Variants in CDK17 observed in about 807,000 individuals in gnomAD.
CDK17 encodes cyclin dependent kinase 17.
Under a neutral mutation model 77.6 loss-of-function variants are expected in CDK17, and 24 were observed. The observed-to-expected ratio is 0.31, with a 90% CI of 0.22 to 0.44. CDK17 has a LOEUF of 0.44. CDK17 is among the 20% of genes least tolerant of loss of function. CDK17 has a pLI of 1.00. For synonymous variants in CDK17, 203 were observed against 210.4 expected, an observed-to-expected ratio of 0.96 and a Z score of 0.30; for missense variants, 429 against 622.5, an observed-to-expected ratio of 0.69 and a Z score of 3.31.
chr12:96,378,730 A>G (rs1953828937), intron 1 of CDK17, among the ~76,000 whole-genome samples: 1 of 152,276 alleles, frequency 6.6e-6, no homozygotes, highest in African/African-American at 2.4e-5. Context: ...ATAGCCACAA[A>G]GGATTGAGTG....
chr12:96,298,147 C>A (rs986315180), intron 7 of CDK17, among the ~76,000 whole-genome samples: 2 of 151,922 alleles, frequency 1.3e-5, no homozygotes, highest in Non-Finnish European at 2.9e-5. Flanking sequence ...GTTAGCCGGG[C>A]GTGATGGCGG....
chr12:96,306,749 T>TA (rs1010373173), intron 5 of CDK17, among the ~76,000 whole-genome samples: 15 of 152,078 alleles, frequency 9.9e-5, no homozygotes, highest in African/African-American at 1.7e-4. Flanking sequence ...CTAATACATA[T>TA]AAAAAAATGA....
At chr12:96,336,632 C>A (rs1206143835) in intron 1 of CDK17, among the ~76,000 whole-genome samples, 2 of 152,176 alleles carry the variant, frequency 1.3e-5, no homozygotes, top group Non-Finnish European at 2.9e-5. Context: ...TGAAAAGTTT[C>A]TATTCCTTAG....
chr12:96,376,663 T>A (rs903425041), intron 1 of CDK17, among the ~76,000 whole-genome samples: 15 of 152,212 alleles, frequency 9.9e-5, no homozygotes, highest in Non-Finnish European at 5.9e-5. Flanking sequence ...TATTAGGCAG[T>A]ATCCACTGAC....
At chr12:96,375,260 C>T (rs984329003) in intron 1 of CDK17, among the ~76,000 whole-genome samples, 2 of 152,176 alleles carry the variant, frequency 1.3e-5, no homozygotes, top group East Asian at 3.8e-4. Context: ...ACCAGTCCTT[C>T]ATTATCCTAA....
intron 5 of CDK17, chr12:96,303,473 T>C (rs191828770): frequency 3.3e-5 from 5 of 152,248 alleles, no homozygotes; most frequent in Admixed American, 3.3e-4. Context: ...TAACTGTGCC[T>C]TGGATAAACC....
chr12:96,282,018 C>A (rs972843309), intron 15 of CDK17: 1 of 152,338 alleles, frequency 6.6e-6, no homozygotes, highest in African/African-American at 2.4e-5. Flanking sequence ...TCTGCTATTA[C>A]AGTGACTTTG....
chr12:96,302,830 G>A (rs1952526428), intron 5 of CDK17, among the ~76,000 whole-genome samples: 1 of 152,070 alleles, frequency 6.6e-6, no homozygotes. Context: ...TATGTAAGAG[G>A]TTAAGTTTAA....
At chr12:96,345,539 T>C (rs1299443247) in intron 1 of CDK17, among the ~76,000 whole-genome samples, 1 of 152,210 alleles carries the variant, frequency 6.6e-6, no homozygotes, top group East Asian at 1.9e-4. Context: ...TGAGATGTTA[T>C]CTCATTGTGA....
chr12:96,297,217 G>A (rs1952419900), intron 9 of CDK17, 53 bp downstream of exon 9: 3 of 1,119,340 alleles, frequency 2.7e-6, no homozygotes, highest in South Asian at 2.6e-5. Context: ...TTATATAATG[G>A]TTCACCTATG....
intron 1 of CDK17, among the ~76,000 whole-genome samples, chr12:96,390,537 G>A (rs1318948602): frequency 6.8e-6 from 1 of 146,618 alleles, no homozygotes; most frequent in Non-Finnish European, 1.5e-5. Context: ...GGTGAAACAT[G>A]GTCTCCACTA....
chr12:96,341,983 T>C (rs745364627), intron 1 of CDK17, among the ~76,000 whole-genome samples: 9 of 152,226 alleles, frequency 5.9e-5, no homozygotes, highest in Non-Finnish European at 1.3e-4. Context: ...AGGCTAAATA[T>C]TGTTTTTAAA....
intron 3 of CDK17, among the ~76,000 whole-genome samples, chr12:96,316,855 G>GA (rs1389006234): frequency 6.8e-6 from 1 of 146,694 alleles, no homozygotes; most frequent in African/African-American, 2.5e-5. Context: ...CAAAGATGGG[G>GA]AAAAAACAGA....
intron 9 of CDK17, among the ~76,000 whole-genome samples, chr12:96,296,818 G>T (rs947424680): frequency 1.3e-5 from 2 of 152,134 alleles, no homozygotes; most frequent in African/African-American, 2.4e-5. Context: ...GTACAGATTG[G>T]TATTTCCAGC....
At chr12:96,346,108 A>G (rs1174563401) in intron 1 of CDK17, among the ~76,000 whole-genome samples, 2 of 152,182 alleles carry the variant, frequency 1.3e-5, no homozygotes, top group Non-Finnish European at 2.9e-5. Flanking sequence ...GTGTGAGGTC[A>G]GGAGTTCAAG....
intron 2 of CDK17, among the ~76,000 whole-genome samples, chr12:96,330,717 T>C (rs1450587942): frequency 2.6e-5 from 4 of 152,262 alleles, no homozygotes; most frequent in Non-Finnish European, 5.9e-5. Context: ...TTCCATTCTA[T>C]GGACAGACCA....
intron 1 of CDK17, chr12:96,387,199 G>C (rs750716782): frequency 3.9e-6 from 1 of 253,964 alleles, no homozygotes; most frequent in Non-Finnish European, 8.2e-6. Context: ...CTTCATCCTA[G>C]CAGTGCCGTC....
intron 1 of CDK17, among the ~76,000 whole-genome samples, chr12:96,377,846 A>AC (rs1953808498): frequency 1.3e-5 from 2 of 151,978 alleles, no homozygotes; most frequent in Non-Finnish European, 1.5e-5. Context: ...GGCGCCCGCC[A>AC]CTACGCCCAG....
At chr12:96,315,155 G>T (rs1330178263) in intron 3 of CDK17, among the ~76,000 whole-genome samples, 1 of 152,162 alleles carries the variant, frequency 6.6e-6, no homozygotes, top group African/African-American at 2.4e-5. Flanking sequence ...AAATATCAAT[G>T]TGTGAGACAA....
Sources: allele counts gnomAD v4.1 joint callset (sites outside exome capture counted in the v4.1 genomes callset), GRCh38; gene constraint gnomAD v4.1.1; transcripts MANE v1.5; gene names NCBI Gene and HGNC (gene_info 2026-07-23, HGNC 2026-07-21).